ATP1A1: variants seen among roughly 807,000 people sequenced by gnomAD.
The protein encoded by ATP1A1 is ATPase Na+/K+ transporting subunit alpha 1.
ATP1A1 carries 14 observed loss-of-function variants against 114.8 expected under a neutral mutation model. The observed-to-expected ratio is 0.12, with a 90% CI of 0.08 to 0.19. The LOEUF (loss-of-function observed/expected upper bound fraction) is 0.19. Among genes scored for constraint, ATP1A1 ranks in the 10% least tolerant of loss-of-function variants. ATP1A1 has a pLI of 1.00. For missense variants in ATP1A1, 524 were observed against 1,290.7 expected (o/e 0.41, Z 9.10); for synonymous variants, 471 against 466.3 (o/e 1.01, Z -0.13).
chr1:116,385,407 A>G lies in ATP1A1; in HGVS notation c.183+565A>G, dbSNP rs1652017141. On this transcript the variant is annotated intron_variant, in intron 3 of 22. Transcript: ENST00000295598. This position sits in a 1 kb window ranked among gnomAD's most constrained non-coding sequence, Gnocchi z 4.3. Reference sequence around the variant, plus strand: ...TGATATTAAATGTGTAACAAATGTTATAAAAGTAAATAGTCTAGGGATGTC... The same window carrying G: ...TGATATTAAATGTGTAACAAATGTTGTAAAAGTAAATAGTCTAGGGATGTC... 6.4e-6 allele frequency: 1 copy of G among 155,796 alleles called. No individual in the cohort carries two copies. Among genetic ancestry groups the G allele is most frequent in the South Asian group, 2.0e-4 (1 of 5,060 alleles). 9.7% of individuals were successfully genotyped at this position (155,796 alleles called of 1,614,324 possible). A position where few individuals can be genotyped will look rare whatever the true frequency, so the allele number is the denominator to read the frequency against.
In ATP1A1 at chr1:116,389,716, C is replaced by T; in HGVS notation, c.1023+9C>T. The T allele has an allele frequency of 6.2e-7, 1 of 1,613,924 alleles. No individual in the cohort carries two copies. The highest frequency in any genetic ancestry group is 8.5e-7 in the Non-Finnish European group (1 of 1,179,832). ...TGCTGGCCACTGTCACGGTAAGAGG[C>T]AGGTGATGGTCACCCTGACTCAGAT... is the stretch of plus-strand genomic sequence containing the variant. On this transcript the variant is annotated intron_variant, in intron 8 of 22. Transcript: ENST00000295598. This position sits in a 1 kb window ranked among gnomAD's most constrained non-coding sequence, Gnocchi z 6.9.
Position 116,384,907 on chromosome 1 carries a change from T to TG in ATP1A1, c.183+65_183+66insG. 2 of 1,522,950 alleles carry TG rather than the reference T, an allele frequency of 1.3e-6. No individual in the cohort carries two copies. Among genetic ancestry groups the TG allele is most frequent in the Non-Finnish European group, 1.8e-6 (2 of 1,097,816 alleles). The allele number at this position is 1,522,950 out of a possible 1,614,324, so 94.3% of individuals were successfully genotyped here. A position where few individuals can be genotyped will look rare whatever the true frequency, so the allele number is the denominator to read the frequency against. On this transcript the variant is annotated intron_variant, in intron 3 of 22. Coordinates refer to ENST00000295598, the MANE Select transcript of ATP1A1 (RefSeq NM_000701.8). The surrounding 1 kb of genome is among the most constrained non-coding windows in gnomAD (Gnocchi z 5.1). Reference sequence around the variant, plus strand: ...TTTCCGTATTATATTTTCCCCTGTATTACATACAGGTCTAACCTCAGGGGC... The same window carrying TG: ...TTTCCGTATTATATTTTCCCCTGTATGTACATACAGGTCTAACCTCAGGGGC...
In ATP1A1 at chr1:116,403,972, G is replaced by A. The variant is rs1414092859; in HGVS notation, c.3040G>A (p.Gly1014Ser). The A allele has an allele frequency of 6.2e-7, 1 of 1,613,828 alleles. No homozygotes were observed. The highest frequency in any genetic ancestry group is 8.5e-7 in the Non-Finnish European group (1 of 1,179,790). ...VRKLIIRRRP[G>S]GWVEKETYY Reference sequence around the variant, plus strand: ...AAAACTCATCATCAGGCGACGCCCTGGCGGTAATTATGGGCATTCTGACTT... The same window carrying A: ...AAAACTCATCATCAGGCGACGCCCTAGCGGTAATTATGGGCATTCTGACTT... Residue 1014 changes from glycine (G) to serine (S), a missense_variant, in exon 22 of 23, where the codon GGC becomes AGC. Around this residue, in one of 8 missense-constraint regions of ATP1A1, gnomAD observed 84 missense variants for 209.3 expected, o/e 0.40. Coordinates refer to ENST00000295598, the MANE Select transcript of ATP1A1 (RefSeq NM_000701.8).
Position 116,390,867 on chromosome 1 carries a change from C to T in ATP1A1, c.1308C>T (p.Asn436=). 1 of 1,614,106 alleles carries T rather than the reference C, an allele frequency of 6.2e-7. No individual in the cohort carries two copies. The highest frequency in any genetic ancestry group is 2.2e-5 in the East Asian group (1 of 44,878). The change falls in exon 10 of 23, where the codon AAC becomes AAT. Residue 436 remains asparagine, a synonymous_variant. Coordinates refer to ENST00000295598, the MANE Select transcript of ATP1A1 (RefSeq NM_000701.8). The stretch of plus-strand genomic sequence containing the variant: ...GTAACAGGGCAGTGTTTCAGGCTAA[C>T]CAGGAAAACCTACCTATTCTTAAGG... ...GLCNRAVFQA[N]QENLPILKRA...
In ATP1A1 at chr1:116,396,651, T is replaced by C. The variant is rs1243252503; in HGVS notation, c.1890T>C (p.Gly630=). Residue 630 remains glycine, a synonymous_variant, in exon 14 of 23, where the codon GGT becomes GGC. Coordinates refer to ENST00000295598, the MANE Select transcript of ATP1A1 (RefSeq NM_000701.8). ...TCACAGCTAAAGCTATTGCCAAAGG[T>C]GTGGGCATCATCTCAGAAGGCAATG... ...HPITAKAIAK[G]VGIISEGNET... is the part of the protein sequence containing the mutation. The C allele has an allele frequency of 3.5e-5, 56 of 1,613,408 alleles. No homozygotes were observed. Among genetic ancestry groups the C allele is most frequent in the Non-Finnish European group, 4.7e-5 (55 of 1,179,652 alleles).
rs186049733 is a variant in ATP1A1 at position 116,399,310 on chromosome 1, T to G, written c.2449-110T>G. 2.6e-4 allele frequency: 382 copies of G among 1,457,404 alleles called. No individual in the cohort carries two copies. The highest frequency in any genetic ancestry group is 5.8e-4 in the Admixed American group (27 of 46,374). 90.3% of individuals were successfully genotyped at this position (1,457,404 alleles called of 1,614,324 possible). A position where few individuals can be genotyped will look rare whatever the true frequency, so the allele number is the denominator to read the frequency against. Reference sequence around the variant, plus strand: ...GATGGGAATCTTTATTTTTGTATACTTCACCTAAAAGATTTTTAAATGGGA... The same window carrying G: ...GATGGGAATCTTTATTTTTGTATACGTCACCTAAAAGATTTTTAAATGGGA... On this transcript the variant is annotated intron_variant, in intron 17 of 22. Coordinates refer to ENST00000295598, the MANE Select transcript of ATP1A1 (RefSeq NM_000701.8). The surrounding 1 kb of genome is among the most constrained non-coding windows in gnomAD (Gnocchi z 5.0).
chr1:116,390,674 A>G, intron 9 of ATP1A1, 108 bp from the exon 10 acceptor site: 1 of 960,174 alleles, frequency 1.0e-6, no homozygotes, highest in Non-Finnish European at 1.6e-6. Flanking sequence ...TAATTGGGAA[A>G]TGAGATGTAT....
rs1036889899 is a variant in ATP1A1 at position 116,403,789 on chromosome 1, T to C, written c.2952-95T>C. 3 of 1,088,938 alleles carry C rather than the reference T, an allele frequency of 2.8e-6. No homozygotes were observed. In the Admixed American group the frequency reaches 6.4e-5, roughly 23 times the overall value. 67.5% of individuals were successfully genotyped at this position (1,088,938 alleles called of 1,614,324 possible). On this transcript the variant is annotated intron_variant, in intron 21 of 22. Coordinates refer to ENST00000295598, the MANE Select transcript of ATP1A1 (RefSeq NM_000701.8). The stretch of plus-strand genomic sequence containing the variant: ...CTGTACTTGGCTTCTCCTTTCAGGC[T>C]GATTATTTCATTGTCACTGGTGATG...
Position 116,384,274 on chromosome 1 carries a change from G to GT in ATP1A1, c.123+152dup, listed in dbSNP as rs1557782140. The GT allele has an allele frequency of 4.4e-6, 3 of 677,500 alleles. No homozygotes were observed. The highest frequency in any genetic ancestry group is 4.9e-6 in the Non-Finnish European group (2 of 411,474). The allele number at this position is 677,500 out of a possible 1,614,324, so 42.0% of individuals were successfully genotyped here. On this transcript the variant is annotated intron_variant, in intron 2 of 22. Transcript: ENST00000295598. The surrounding 1 kb of genome is among the most constrained non-coding windows in gnomAD (Gnocchi z 5.1). ...ATCTCATCTAGTCGTAGAGGTTAAT[G>GT]TTGAACATATACTTTTTAAAAGCTG...
At position 116,401,539 on chromosome 1, in the gene ATP1A1, CT is replaced by C. The variant is rs1653482190; in HGVS notation, c.2850-14del. The C allele has an allele frequency of 6.2e-7, 1 of 1,613,152 alleles. No homozygotes were observed. On this transcript the variant is annotated splice_polypyrimidine_tract_variant and intron_variant, in intron 20 of 22. Coordinates refer to ENST00000295598, the MANE Select transcript of ATP1A1 (RefSeq NM_000701.8). This position sits in a 1 kb window ranked among gnomAD's most constrained non-coding sequence, Gnocchi z 4.7. ...TTGCACCTTTTAAGTTTTTTCTCCC[CT>C]ACTTTGATTTTAGGAACAAGATCTT...
Position 116,399,254 on chromosome 1 carries a change from C to A in ATP1A1, c.2449-166C>A. On this transcript the variant is annotated intron_variant, in intron 17 of 22. Coordinates refer to ENST00000295598, the MANE Select transcript of ATP1A1 (RefSeq NM_000701.8). This position sits in a 1 kb window ranked among gnomAD's most constrained non-coding sequence, Gnocchi z 5.0. ...GCTTCACAGAATCAGTATTACCACT[C>A]TTCAAGGCAGCAGTTAACATTTGTT... is the stretch of plus-strand genomic sequence containing the variant. 7.5e-7 allele frequency: 1 copy of A among 1,335,540 alleles called. No individual in the cohort carries two copies. The highest frequency in any genetic ancestry group is 1.0e-6 in the Non-Finnish European group (1 of 971,520). 82.7% of individuals were successfully genotyped at this position (1,335,540 alleles called of 1,614,324 possible).
Position 116,384,728 on chromosome 1 carries a change from TC to T in ATP1A1, c.124-54del. 6.9e-7 allele frequency: 1 copy of T among 1,458,660 alleles called. No homozygotes were observed. The highest frequency in any genetic ancestry group is 9.4e-7 in the Non-Finnish European group (1 of 1,064,754). 90.4% of individuals were successfully genotyped at this position (1,458,660 alleles called of 1,614,324 possible). A position where few individuals can be genotyped will look rare whatever the true frequency, so the allele number is the denominator to read the frequency against. On this transcript the variant is annotated intron_variant, in intron 2 of 22. Coordinates refer to ENST00000295598, the MANE Select transcript of ATP1A1 (RefSeq NM_000701.8). The surrounding 1 kb of genome is among the most constrained non-coding windows in gnomAD (Gnocchi z 5.1). ...GTAATGAATAATGCTATTTTTTCTG[TC>T]ATTTTTTTATACTACACTGTTTAAC...
chr1:116,374,273 T>C (rs1464770762), intron 1 of ATP1A1: 3 of 1,551,558 alleles, frequency 1.9e-6, no homozygotes, highest in East Asian at 2.4e-5. Context: ...TGGGCCACTT[T>C]CCGTAAACAC....
chr1:116,388,706 G>A lies in ATP1A1; in HGVS notation c.570G>A (p.Leu190=), dbSNP rs1652258600. Residue 190 remains leucine, a synonymous_variant, in exon 6 of 23, where the codon CTG becomes CTA. Transcript: ENST00000295598. This position sits in a 1 kb window ranked among gnomAD's most constrained non-coding sequence, Gnocchi z 5.6. ...INAEEVVVGD[L]VEVKGGDRIP... is the part of the protein sequence containing the mutation. The stretch of plus-strand genomic sequence containing the variant: ...CGGAGGAAGTTGTGGTTGGGGATCT[G>A]GTGGAAGTAAAAGGAGGAGACCGAA... 5 of 1,614,192 alleles carry A rather than the reference G, an allele frequency of 3.1e-6. No homozygotes were observed. Among genetic ancestry groups the A allele is most frequent in the Non-Finnish European group, 3.4e-6 (4 of 1,180,030 alleles).
intron 1 of ATP1A1, chr1:116,373,843 C>T (rs1461155724): frequency 1.1e-5 from 11 of 1,045,708 alleles, no homozygotes; most frequent in Non-Finnish European, 1.2e-5. Context: ...TGGGAAGCCT[C>T]GGGGCCGGGA....
At chr1:116,374,206 AG>A in intron 1 of ATP1A1, 1 of 1,551,168 alleles carries the variant, frequency 6.4e-7, no homozygotes, top group African/African-American at 1.4e-5. Flanking sequence ...GGTGCCAGAA[AG>A]GGTGTGTCTT....
Position 116,392,883 on chromosome 1 carries a change from A to T in ATP1A1, c.1362A>T (p.Ser454=). The T allele has an allele frequency of 6.2e-7, 1 of 1,613,890 alleles. No homozygotes were observed. The highest frequency in any genetic ancestry group is 8.5e-7 in the Non-Finnish European group (1 of 1,179,914). ...KRAVAGDASE[S]ALLKCIELCC... The stretch of plus-strand genomic sequence containing the variant: ...CAGTTGCAGGAGATGCCTCTGAGTC[A>T]GCACTCTTAAAGTGCATAGAGCTGT... Residue 454 remains serine (S), a synonymous_variant, in exon 11 of 23, where the codon TCA becomes TCT. Coordinates refer to ENST00000295598, the MANE Select transcript of ATP1A1 (RefSeq NM_000701.8).
At position 116,404,521 on chromosome 1, in the gene ATP1A1, G is replaced by A. The variant is rs1199123139; in HGVS notation, c.*77G>A. ...ACCCACCCCCTCTTTGTGTACTTCA[G>A]TCTTGGAGTTTGGAACTCTACCCTG... On this transcript the variant is annotated 3_prime_UTR_variant, in exon 23 of 23. Transcript: ENST00000295598. The surrounding 1 kb of genome is among the most constrained non-coding windows in gnomAD (Gnocchi z 4.8). The A allele has an allele frequency of 2.0e-6, 3 of 1,535,896 alleles. No homozygotes were observed. The highest frequency in any genetic ancestry group is 1.4e-5 in the African/African-American group (1 of 70,364).
Position 116,404,366 on chromosome 1 carries a change from C to T in ATP1A1, c.3044-50C>T. 4 of 1,610,694 alleles carry T rather than the reference C, an allele frequency of 2.5e-6. No homozygotes were observed. Among genetic ancestry groups the T allele is most frequent in the Non-Finnish European group, 2.5e-6 (3 of 1,177,378 alleles). On this transcript the variant is annotated intron_variant, in intron 22 of 22. Coordinates refer to ENST00000295598, the MANE Select transcript of ATP1A1 (RefSeq NM_000701.8). The surrounding 1 kb of genome is among the most constrained non-coding windows in gnomAD (Gnocchi z 4.8). ...CCTGTTTCCCTCTGTAATGCTGGAG[C>T]GAGGAAGACTCACTGTAGTGTGTCT...
Sources: gnomAD v4.1 joint callset for allele counts on GRCh38, gnomAD v4.1.1 for gene constraint, gnomAD v4.1.1 regional missense constraint, Gnocchi (gnomAD v3.1) non-coding constraint, MANE v1.5 for transcripts, NCBI Gene and HGNC (gene_info 2026-07-23, HGNC 2026-07-21) for gene names.